The following SRSF5 variants were observed in gnomAD, a reference collection of about 807,000 sequenced individuals.
SRSF5 encodes serine/arginine-rich splicing factor 5.
In SRSF5, 5 loss-of-function variants were observed where a neutral mutation model predicts 34.0. That is an observed-to-expected ratio of 0.15 (90% CI 0.08 to 0.31). The LOEUF is 0.31. SRSF5 is among the 10% of genes least tolerant of loss of function. The pLI, the probability that SRSF5 is intolerant of heterozygous loss-of-function variation, is 1.00. For missense variants in SRSF5, 223 were observed against 351.4 expected (o/e 0.63, Z 2.92); for synonymous variants, 164 against 117.7 (o/e 1.39, Z -2.55).
Position 69,768,788 on chromosome 14 carries a change from C to G in SRSF5, c.198-10C>G. On this transcript the variant is annotated splice_polypyrimidine_tract_variant and intron_variant, in intron 3 of 7. Transcript: ENST00000557154. ...AGTGTGTAACGGAGATTTTTCTTCC[C>G]TTTTTGTAGGGTTACTATTGAACAT... is the stretch of plus-strand genomic sequence containing the variant. 6.2e-7 allele frequency: 1 copy of G among 1,613,812 alleles called. No homozygotes were observed. Among genetic ancestry groups the G allele is most frequent in the South Asian group, 1.1e-5 (1 of 91,048 alleles).
At chr14:69,770,584 A>G in intron 6 of SRSF5, 44 bp downstream of exon 6, 1 of 1,547,370 alleles carries the variant, frequency 6.5e-7, no homozygotes, top group Non-Finnish European at 8.9e-7. Flanking sequence ...TATCCGGAAA[A>G]TTTTACTGTG....
At chr14:69,770,690 G>A (rs1403449527) in intron 6 of SRSF5, 150 bp downstream of exon 6, 3 of 760,732 alleles carry the variant, frequency 3.9e-6, no homozygotes, top group Non-Finnish European at 6.4e-6. Context: ...CACACCTTTG[G>A]CAGTGTCTGG....
At chr14:69,767,627 G>A (rs948484230) in intron 1 of SRSF5, 7 of 436,782 alleles carry the variant, frequency 1.6e-5, no homozygotes, top group Non-Finnish European at 3.2e-5. Flanking sequence ...GAGGAGAAGG[G>A]AAGAGGGAAT....
chr14:69,769,616 A>G (rs946488405), intron 5 of SRSF5: 2 of 1,535,116 alleles, frequency 1.3e-6, no homozygotes, highest in Non-Finnish European at 1.7e-6. Flanking sequence ...GTCAGCTCCT[A>G]CAGTGATCAG....
Position 69,771,717 on chromosome 14 carries a change from T to A in SRSF5, c.*256T>A. The A allele has an allele frequency of 2.4e-6, 1 of 409,398 alleles. No homozygotes were observed. 25.4% of individuals were successfully genotyped at this position (409,398 alleles called of 1,614,324 possible). A position where few individuals can be genotyped will look rare whatever the true frequency, so the allele number is the denominator to read the frequency against. ...ATGTCTGAAGTATATAGTTTGTGTA[T>A]ATTGACAGAGCTCTTTTATAACTAA... On this transcript the variant is annotated 3_prime_UTR_variant, in exon 8 of 8. Transcript: ENST00000557154.
intron 6 of SRSF5, 150 bp from the exon 7 acceptor site, chr14:69,770,845 T>C (rs2139696259): frequency 1.3e-6 from 1 of 761,720 alleles, no homozygotes; most frequent in East Asian, 2.7e-5. Context: ...GTGCCAAAAC[T>C]TTGCTCTTTT....
At position 69,771,367 on chromosome 14, in the gene SRSF5, G is replaced by C. The variant is rs774183630; in HGVS notation, c.725G>C (p.Arg242Pro). The part of the protein sequence containing the change: ...RSPVPEKSQK[R>P]GSSSRSKSPA... ...CCCGTGCCTGAGAAGAGCCAGAAACGTGGTTCTTCAAGTAGATCTAAGTCT... is the reference window on the plus strand; with the variant it reads ...CCCGTGCCTGAGAAGAGCCAGAAACCTGGTTCTTCAAGTAGATCTAAGTCT... Residue 242 changes from arginine (R) to proline (P), a missense_variant, in exon 8 of 8, where the codon CGT (arginine) becomes CCT (proline). By Grantham distance (103) the Arg-to-Pro change is moderately radical (BLOSUM62 -2). Transcript: ENST00000557154. 6.2e-7 allele frequency: 1 copy of C among 1,614,212 alleles called. No individual in the cohort carries two copies. The highest frequency in any genetic ancestry group is 8.5e-7 in the Non-Finnish European group (1 of 1,180,044).
chr14:69,768,031 A>G, intron 1 of SRSF5, 107 bp from the exon 2 acceptor site: 2 of 1,303,766 alleles, frequency 1.5e-6, no homozygotes, highest in Admixed American at 4.3e-5. Flanking sequence ...TCTCGTTCAT[A>G]ACATCACTGT....
intron 2 of SRSF5, 99 bp downstream of exon 2, chr14:69,768,381 A>T: frequency 6.6e-7 from 1 of 1,523,676 alleles, no homozygotes; most frequent in Non-Finnish European, 9.0e-7. Flanking sequence ...TTGCCTTCAG[A>T]AAATGTTACC....
chr14:69,768,683 C>A lies in SRSF5; in HGVS notation c.197+9C>A, dbSNP rs1246730478. The A allele has an allele frequency of 6.2e-7, 1 of 1,613,838 alleles. No individual in the cohort carries two copies. Among genetic ancestry groups the A allele is most frequent in the African/African-American group, 1.3e-5 (1 of 74,910 alleles). On this transcript the variant is annotated intron_variant, in intron 3 of 7. Transcript: ENST00000557154. The stretch of plus-strand genomic sequence containing the variant: ...GAACTCTGTAGTGAAAGGTGAGATT[C>A]CTGTGTAACTAGATAACCCTGGGAC...
intron 5 of SRSF5, 101 bp from the exon 6 acceptor site, chr14:69,770,362 TTATC>T (rs1883052179): frequency 4.7e-6 from 7 of 1,496,556 alleles, no homozygotes; most frequent in Admixed American, 4.9e-5. Flanking sequence ...TGTTTGTACT[TTATC>T]TAACATCTTC....
chr14:69,769,040 CT>C, intron 4 of SRSF5, 141 bp from the exon 5 acceptor site: 3 of 1,276,796 alleles, frequency 2.3e-6, no homozygotes, highest in Non-Finnish European at 3.4e-6. Flanking sequence ...CTTGATGAAT[CT>C]ATATGAGTCA....
In SRSF5 at chr14:69,771,539, A is replaced by G. The variant is rs890204614; in HGVS notation, c.*78A>G. ...AATTCCCAAACCATACTTGCTAAAAATTCTGGTAAGTATGTGCTTTTCTGT... is the reference window on the plus strand; with the variant it reads ...AATTCCCAAACCATACTTGCTAAAAGTTCTGGTAAGTATGTGCTTTTCTGT... On this transcript the variant is annotated 3_prime_UTR_variant, in exon 8 of 8. Coordinates refer to ENST00000557154, the MANE Select transcript of SRSF5 (RefSeq NM_001320214.2). The G allele has an allele frequency of 1.9e-6, 2 of 1,078,714 alleles. No homozygotes were observed. Among genetic ancestry groups the G allele is most frequent in the Non-Finnish European group, 2.6e-6 (2 of 776,892 alleles). 66.8% of individuals were successfully genotyped at this position (1,078,714 alleles called of 1,614,324 possible).
intron 5 of SRSF5, chr14:69,770,059 T>A (rs1047663209): frequency 3.6e-5 from 37 of 1,018,534 alleles, no homozygotes; most frequent in African/African-American, 3.4e-5. Flanking sequence ...TAAACTTTTT[T>A]AATGACATAT....
intron 5 of SRSF5, chr14:69,770,170 GTTGT>G (rs995442194): frequency 1.6e-5 from 17 of 1,094,454 alleles, no homozygotes; most frequent in Non-Finnish European, 1.7e-5. Context: ...TTCCTTTTTT[GTTGT>G]TTTTTTGTTT....
At chr14:69,768,506 G>C in intron 2 of SRSF5, 98 bp from the exon 3 acceptor site, 1 of 1,323,252 alleles carries the variant, frequency 7.6e-7, no homozygotes, top group South Asian at 1.2e-5. Flanking sequence ...GTGTCGTTAA[G>C]ATACTCTTCC....
chr14:69,767,646 C>G (rs1882651697), intron 1 of SRSF5: 2 of 414,500 alleles, frequency 4.8e-6, no homozygotes, highest in South Asian at 3.3e-5. Flanking sequence ...ATTTGGCACG[C>G]GCAGCTCTGC....
intron 5 of SRSF5, chr14:69,769,618 A>G (rs1310271820): frequency 2.0e-6 from 3 of 1,534,988 alleles, no homozygotes; most frequent in Non-Finnish European, 2.6e-6. Context: ...CAGCTCCTAC[A>G]GTGATCAGTT....
intron 6 of SRSF5, 114 bp from the exon 7 acceptor site, chr14:69,770,881 C>A: frequency 1.1e-6 from 1 of 923,518 alleles, no homozygotes. Context: ...AGAAATAAGA[C>A]TCAATAGTAG....
Sources: gnomAD v4.1 joint callset for allele counts on GRCh38, gnomAD v4.1.1 for gene constraint, MANE v1.5 for transcripts, NCBI Gene and HGNC (gene_info 2026-07-23, HGNC 2026-07-21) for gene names.